SPOCK1: variants seen among roughly 807,000 people sequenced by gnomAD.
The protein encoded by SPOCK1 is testican-1.
A neutral mutation model predicts 55.3 loss-of-function variants in SPOCK1; 23 were observed. The ratio of observed to expected loss-of-function variants is 0.42; its 90% CI spans 0.30 to 0.59. SPOCK1 has a LOEUF of 0.59. SPOCK1 is among the 20% of genes least tolerant of loss of function. The pLI, the probability that SPOCK1 is intolerant of heterozygous loss-of-function variation, is 0.22. For synonymous variants in SPOCK1, 226 were observed against 221.0 expected (o/e 1.02, Z -0.20); for missense variants, 499 against 552.5 (o/e 0.90, Z 0.97).
At chr5:137,036,551 G>T (rs1383556813) in intron 6 of SPOCK1, among the ~76,000 whole-genome samples, 1 of 152,210 alleles carries the variant, frequency 6.6e-6, no homozygotes, top group Non-Finnish European at 1.5e-5. Flanking sequence ...TGAACACAGG[G>T]CTCAGAATTT....
intron 6 of SPOCK1, among the ~76,000 whole-genome samples, chr5:137,020,113 A>C (rs562101651): frequency 6.6e-6 from 1 of 151,874 alleles, no homozygotes. Flanking sequence ...AAATTAGAAA[A>C]AAAGGAGAGA....
intron 4 of SPOCK1, among the ~76,000 whole-genome samples, chr5:137,113,422 T>C (rs150268239): frequency 1.3e-5 from 2 of 152,312 alleles, no homozygotes; most frequent in Non-Finnish European, 2.9e-5. Flanking sequence ...GGATAGCCCA[T>C]CAATCAGGCA....
rs116026431 is a variant in SPOCK1 at position 137,011,588 on chromosome 5, T to G, written c.590-18988A>C. On this transcript the variant is annotated intron_variant, in intron 6 of 10. Transcript: ENST00000394945. ...CAATGGTTAAAACATCCCTGAAATT[T>G]ATTACATACCTTTTCCATTCTCCAC... 3.7e-3 allele frequency among the ~76,000 whole-genome samples: 570 copies of G among 152,270 alleles called. 2 individuals carry two copies. The highest frequency in any genetic ancestry group is 0.013 in the African/African-American group (553 of 41,532).
chr5:137,257,321 T>C (rs1020246549), intron 3 of SPOCK1, among the ~76,000 whole-genome samples: 6 of 152,248 alleles, frequency 3.9e-5, no homozygotes, highest in African/African-American at 1.2e-4. Flanking sequence ...TTGAAATCCT[T>C]TCTCCAATGT....
intron 6 of SPOCK1, among the ~76,000 whole-genome samples, chr5:137,046,309 CTT>C (rs1461810257): frequency 1.5e-5 from 2 of 129,848 alleles, no homozygotes; most frequent in Non-Finnish European, 3.3e-5. Context: ...TTTGTGTCCT[CTT>C]TTATTTCCTT....
chr5:137,266,472 G>A (rs113394964), intron 3 of SPOCK1, among the ~76,000 whole-genome samples: 3 of 152,220 alleles, frequency 2.0e-5, no homozygotes, highest in African/African-American at 7.2e-5. Context: ...GAATGGGGGT[G>A]GAGAAAGCCT....
chr5:137,423,847 G>A (rs1752553222), intron 2 of SPOCK1, among the ~76,000 whole-genome samples: 1 of 152,210 alleles, frequency 6.6e-6, no homozygotes, highest in African/African-American at 2.4e-5. Flanking sequence ...AGTTGTAAAT[G>A]CAGAAATCAC....
intron 4 of SPOCK1, among the ~76,000 whole-genome samples, chr5:137,115,778 T>C (rs1049079490): frequency 6.6e-6 from 1 of 152,150 alleles, no homozygotes; most frequent in Admixed American, 6.5e-5. Flanking sequence ...AGGCCAAGTA[T>C]GTAAAGTTAT....
chr5:137,322,586 T>C (rs1284612530), intron 2 of SPOCK1, among the ~76,000 whole-genome samples: 2 of 152,016 alleles, frequency 1.3e-5, no homozygotes, highest in Non-Finnish European at 2.9e-5. Context: ...TGTATGTGAC[T>C]GAAGCTAAGC....
chr5:137,135,667 C>A (rs1404889934), intron 4 of SPOCK1, among the ~76,000 whole-genome samples: 1 of 152,174 alleles, frequency 6.6e-6, no homozygotes, highest in Non-Finnish European at 1.5e-5. Flanking sequence ...GGACAAATAA[C>A]CTGCTTTCTG....
At chr5:137,277,416 G>C (rs188579955) in intron 2 of SPOCK1, among the ~76,000 whole-genome samples, 3 of 152,268 alleles carry the variant, frequency 2.0e-5, no homozygotes, top group Admixed American at 2.0e-4. Context: ...GCAGAACCAG[G>C]ATTTGAACTC....
chr5:137,392,412 T>C (rs1751743307), intron 2 of SPOCK1, among the ~76,000 whole-genome samples: 2 of 152,248 alleles, frequency 1.3e-5, no homozygotes, highest in Non-Finnish European at 2.9e-5. Flanking sequence ...TGTTCAGTTA[T>C]TTCTATAACT....
intron 3 of SPOCK1, among the ~76,000 whole-genome samples, chr5:137,261,559 G>A (rs1018030260): frequency 2.6e-5 from 4 of 152,140 alleles, no homozygotes; most frequent in Admixed American, 2.0e-4. Flanking sequence ...AGTGAAAGGG[G>A]CCCCTGACTC....
At chr5:137,320,646 C>T (rs1757965019) in intron 2 of SPOCK1, among the ~76,000 whole-genome samples, 1 of 152,142 alleles carries the variant, frequency 6.6e-6, no homozygotes, top group Admixed American at 6.5e-5. Flanking sequence ...AGGCTACAAG[C>T]GCCTGAAAAA....
intron 8 of SPOCK1, among the ~76,000 whole-genome samples, chr5:136,988,168 T>C (rs1254062034): frequency 6.6e-6 from 1 of 152,180 alleles, no homozygotes; most frequent in African/African-American, 2.4e-5. Context: ...ATACGGACAG[T>C]TGAGAGACTT....
intron 3 of SPOCK1, among the ~76,000 whole-genome samples, chr5:137,265,111 T>C (rs1756824486): frequency 6.6e-6 from 1 of 152,168 alleles, no homozygotes; most frequent in Non-Finnish European, 1.5e-5. Flanking sequence ...GTTTGAACTG[T>C]TTACCTGCTC....
chr5:137,203,046 A>C (rs1755454626), intron 3 of SPOCK1, among the ~76,000 whole-genome samples: 1 of 152,182 alleles, frequency 6.6e-6, no homozygotes, highest in Non-Finnish European at 1.5e-5. Context: ...TATTCTAACA[A>C]ATGATGATAG....
At chr5:137,443,764 T>G (rs756011994) in intron 2 of SPOCK1, among the ~76,000 whole-genome samples, 1 of 152,202 alleles carries the variant, frequency 6.6e-6, no homozygotes, top group Non-Finnish European at 1.5e-5. Flanking sequence ...CCCGTTGTAT[T>G]ACCACTGCTT....
chr5:137,000,625 GAGA>G (rs1190430850), intron 6 of SPOCK1, among the ~76,000 whole-genome samples: 2 of 152,214 alleles, frequency 1.3e-5, no homozygotes, highest in Middle Eastern at 3.2e-3. Flanking sequence ...CATGAATGTG[GAGA>G]AGGAGTGAGT....
Sources: allele counts gnomAD v4.1 joint callset (sites outside exome capture counted in the v4.1 genomes callset), GRCh38; gene constraint gnomAD v4.1.1; transcripts MANE v1.5; gene names NCBI Gene and HGNC (gene_info 2026-07-23, HGNC 2026-07-21).